The following RBFOX1 variants were observed in gnomAD, a reference collection of about 807,000 sequenced individuals.
The protein encoded by RBFOX1 is RNA binding fox-1 homolog 1.
A neutral mutation model predicts 57.7 loss-of-function variants in RBFOX1; 8 were observed. The ratio of observed to expected loss-of-function variants is 0.14; its 90% CI spans 0.08 to 0.25. The LOEUF (loss-of-function observed/expected upper bound fraction) is 0.25. Among genes scored for constraint, RBFOX1 ranks in the 10% least tolerant of loss-of-function variants. The pLI is 1.00. For missense variants in RBFOX1, 611 were observed against 548.5 expected, an observed-to-expected ratio of 1.11 and a Z score of -1.14; for synonymous variants, 326 against 222.4, an observed-to-expected ratio of 1.47 and a Z score of -4.15.
chr16:5,841,551 CCAAA>C (rs1252159355), intron 3 of RBFOX1, among the ~76,000 whole-genome samples: 1 of 152,198 alleles, frequency 6.6e-6, no homozygotes, highest in Non-Finnish European at 1.5e-5. Flanking sequence ...ACACGTACAA[CCAAA>C]CATTCAGATA....
chr16:6,094,436 A>C (rs958447087), intron 1 of RBFOX1, among the ~76,000 whole-genome samples: 27 of 152,232 alleles, frequency 1.8e-4, no homozygotes, highest in Admixed American at 1.8e-3. Flanking sequence ...ACTCACAGAG[A>C]AAGGCAGAAT....
chr16:5,494,169 C>G (rs1347000311), intron 2 of RBFOX1, among the ~76,000 whole-genome samples: 1 of 152,218 alleles, frequency 6.6e-6, no homozygotes, highest in Non-Finnish European at 1.5e-5. Flanking sequence ...GAAACTGAGT[C>G]TGAATTCTTA....
At chr16:6,619,356 T>G (rs2098191967) in intron 2 of RBFOX1, among the ~76,000 whole-genome samples, 1 of 152,186 alleles carries the variant, frequency 6.6e-6, no homozygotes, top group Non-Finnish European at 1.5e-5. Context: ...AGTATGACTC[T>G]TTAAATAGCC....
At chr16:5,491,221 G>A (rs1329359886) in intron 2 of RBFOX1, among the ~76,000 whole-genome samples, 1 of 152,114 alleles carries the variant, frequency 6.6e-6, no homozygotes, top group Non-Finnish European at 1.5e-5. Context: ...AATTGTCACA[G>A]TGTGAACACA....
chr16:6,950,997 C>T (rs1392967508), intron 3 of RBFOX1, among the ~76,000 whole-genome samples: 1 of 151,950 alleles, frequency 6.6e-6, no homozygotes, highest in Non-Finnish European at 1.5e-5. Flanking sequence ...CCTCAAACTT[C>T]TAGGCTCCAG....
chr16:5,244,494 C>T (rs551317795), intron 1 of RBFOX1, among the ~76,000 whole-genome samples: 4 of 152,334 alleles, frequency 2.6e-5, no homozygotes, highest in South Asian at 4.1e-4. Context: ...GCAGAGCCGA[C>T]TCCCTGAGAT....
chr16:7,345,754 A>G (rs868541682), intron 4 of RBFOX1, among the ~76,000 whole-genome samples: 2 of 152,194 alleles, frequency 1.3e-5, no homozygotes, highest in Non-Finnish European at 1.5e-5. Context: ...TATCTGTCCA[A>G]ACAGTTGTGG....
chr16:5,418,016 G>T (rs116219746), intron 1 of RBFOX1, among the ~76,000 whole-genome samples: 2,376 of 152,224 alleles, frequency 0.016, 61 homozygotes, highest in African/African-American at 0.054. Context: ...AGGAGGCAGA[G>T]GTTGCACTGA....
chr16:5,701,732 C>T (rs938197582), intron 3 of RBFOX1, among the ~76,000 whole-genome samples: 4 of 152,168 alleles, frequency 2.6e-5, no homozygotes, highest in African/African-American at 9.7e-5. Context: ...CCACATCTGG[C>T]CAAGGTGGAG....
At chr16:7,230,721 C>T (rs796648714) in intron 4 of RBFOX1, among the ~76,000 whole-genome samples, 1 of 152,186 alleles carries the variant, frequency 6.6e-6, no homozygotes, top group Non-Finnish European at 1.5e-5. Flanking sequence ...ACCTTTAAGG[C>T]CACTTCTGTC....
chr16:6,930,679 G>C (rs905690726), intron 3 of RBFOX1, among the ~76,000 whole-genome samples: 18 of 152,206 alleles, frequency 1.2e-4, no homozygotes, highest in African/African-American at 3.9e-4. Flanking sequence ...CAAGTTGCTG[G>C]GATTACAGGT....
intron 2 of RBFOX1, among the ~76,000 whole-genome samples, chr16:6,599,235 G>C (rs1390992551): frequency 6.6e-6 from 1 of 152,108 alleles, no homozygotes; most frequent in African/African-American, 2.4e-5. Flanking sequence ...CATGGGTATT[G>C]ATAACTGCAA....
At chr16:7,475,767 T>A (rs2062545146) in intron 4 of RBFOX1, among the ~76,000 whole-genome samples, 1 of 152,170 alleles carries the variant, frequency 6.6e-6, no homozygotes, top group African/African-American at 2.4e-5. Context: ...AGAATTTGAT[T>A]GTGTTAAAGT....
chr16:7,012,421 G>GT (rs2093695445), intron 3 of RBFOX1, among the ~76,000 whole-genome samples: 1 of 152,152 alleles, frequency 6.6e-6, no homozygotes, highest in African/African-American at 2.4e-5. Flanking sequence ...CCACATGGGT[G>GT]TGTCATAGGC....
chr16:5,948,241 G>T (rs1166467947), intron 4 of RBFOX1, among the ~76,000 whole-genome samples: 1 of 150,616 alleles, frequency 6.6e-6, no homozygotes, highest in Non-Finnish European at 1.5e-5. Context: ...GCAGGTGGGT[G>T]TTAGTTCTAT....
intron 1 of RBFOX1, among the ~76,000 whole-genome samples, chr16:6,162,479 G>A (rs1481945499): frequency 1.3e-5 from 2 of 152,136 alleles, no homozygotes; most frequent in South Asian, 4.1e-4. Flanking sequence ...AGTGGGTGGT[G>A]CATCTATATA....
chr16:6,674,435 C>T (rs887492963), intron 3 of RBFOX1, among the ~76,000 whole-genome samples: 19 of 152,148 alleles, frequency 1.2e-4, no homozygotes, highest in Middle Eastern at 3.4e-3. Context: ...GATTCTCCTG[C>T]CCCAGTCTCC....
chr16:7,271,272 T>A (rs1426425766), intron 4 of RBFOX1, among the ~76,000 whole-genome samples: 5 of 152,080 alleles, frequency 3.3e-5, no homozygotes, highest in African/African-American at 9.7e-5. Context: ...CCTTTTTGTA[T>A]GTGAGAACAT....
chr16:6,091,436 A>G (rs975797302), intron 1 of RBFOX1, among the ~76,000 whole-genome samples: 1 of 152,176 alleles, frequency 6.6e-6, no homozygotes, highest in East Asian at 1.9e-4. Flanking sequence ...ACTCCTTTAC[A>G]GGATTTTCTA....
Sources: gnomAD v4.1 joint callset for allele counts (sites outside exome capture counted in the v4.1 genomes callset) on GRCh38, gnomAD v4.1.1 for gene constraint, MANE v1.5 for transcripts, NCBI Gene and HGNC (gene_info 2026-07-23, HGNC 2026-07-21) for gene names.